Variants in PPP6R3 observed in about 807,000 individuals in gnomAD.
PPP6R3 encodes serine/threonine-protein phosphatase 6 regulatory subunit 3.
A neutral mutation model predicts 110.7 loss-of-function variants in PPP6R3; 38 were observed. That is an observed-to-expected ratio of 0.34 (90% CI 0.26 to 0.45). The LOEUF is 0.45. Among genes scored for constraint, PPP6R3 ranks in the 20% least tolerant of loss-of-function variants. The pLI, the probability that PPP6R3 is intolerant of heterozygous loss-of-function variation, is 1.00. For missense variants in PPP6R3, 870 were observed against 1,062.4 expected, an observed-to-expected ratio of 0.82 and a Z score of 2.52; for synonymous variants, 369 against 373.5, an observed-to-expected ratio of 0.99 and a Z score of 0.14.
intron 1 of PPP6R3, among the ~76,000 whole-genome samples, chr11:68,490,508 A>G (rs2098977084): frequency 6.6e-6 from 1 of 152,008 alleles, no homozygotes; most frequent in Non-Finnish European, 1.5e-5. Context: ...CCTGACAACA[A>G]TTTGGAAAAA....
At chr11:68,467,032 C>T (rs1280960694) in intron 1 of PPP6R3, among the ~76,000 whole-genome samples, 1 of 152,260 alleles carries the variant, frequency 6.6e-6, no homozygotes, top group Non-Finnish European at 1.5e-5. Context: ...TGAGCCGCTG[C>T]ACCCGGCCCT....
intron 2 of PPP6R3, among the ~76,000 whole-genome samples, chr11:68,531,178 A>G (rs954638694): frequency 1.3e-5 from 2 of 152,144 alleles, no homozygotes; most frequent in Non-Finnish European, 2.9e-5. Context: ...GTAGATTAAA[A>G]TGATCCTCCA....
At chr11:68,607,500 T>C (rs1413954195) in intron 22 of PPP6R3, among the ~76,000 whole-genome samples, 1 of 152,226 alleles carries the variant, frequency 6.6e-6, no homozygotes, top group Non-Finnish European at 1.5e-5. Context: ...CTCTACACTC[T>C]CCATGTGTGG....
intron 22 of PPP6R3, among the ~76,000 whole-genome samples, chr11:68,606,500 G>A (rs1401798065): frequency 7.1e-6 from 1 of 140,386 alleles, no homozygotes; most frequent in African/African-American, 2.7e-5. Flanking sequence ...TTTTTTTGTA[G>A]TGATGGGGTT....
chr11:68,537,894 A>G lies in PPP6R3; in HGVS notation c.227+3A>G, dbSNP rs1367830496. The G allele has an allele frequency of 6.3e-7, 1 of 1,590,622 alleles. No individual in the cohort carries two copies. The highest frequency in any genetic ancestry group is 8.6e-7 in the Non-Finnish European group (1 of 1,159,772). On this transcript the variant is annotated splice_donor_region_variant and intron_variant, in intron 3 of 23. Transcript: ENST00000393800. ...ATGGATGAAAAGATCAGATACAAGT[A>G]AGACAATTCAATCTTCTCTGTAGAG...
chr11:68,598,584 C>CT (rs2099621131), intron 19 of PPP6R3, among the ~76,000 whole-genome samples: 1 of 152,172 alleles, frequency 6.6e-6, no homozygotes, highest in Non-Finnish European at 1.5e-5. Context: ...GGCTTCAGGG[C>CT]TACAGGGTTG....
chr11:68,543,342 A>G (rs1432493116), intron 3 of PPP6R3, among the ~76,000 whole-genome samples: 6 of 151,460 alleles, frequency 4.0e-5, no homozygotes, highest in Middle Eastern at 3.5e-3. Context: ...CTTGAAGCCC[A>G]TGCTACGTAA....
intron 3 of PPP6R3, among the ~76,000 whole-genome samples, chr11:68,542,941 A>G (rs978245539): frequency 3.9e-5 from 6 of 152,092 alleles, no homozygotes; most frequent in African/African-American, 1.4e-4. Context: ...CCTTTTACTG[A>G]TCTTCTGTTT....
chr11:68,602,007 G>A, intron 21 of PPP6R3, 38 bp downstream of exon 21: 3 of 1,504,476 alleles, frequency 2.0e-6, no homozygotes, highest in Non-Finnish European at 2.7e-6. Flanking sequence ...CCAGGGTCAC[G>A]TGGCTGCTTT....
chr11:68,588,094 C>A, intron 16 of PPP6R3, 70 bp downstream of exon 16: 1 of 1,329,944 alleles, frequency 7.5e-7, no homozygotes, highest in Non-Finnish European at 1.1e-6. Context: ...ATGTGTGATT[C>A]TGCGGGATTC....
chr11:68,500,933 A>T lies in PPP6R3; in HGVS notation c.-157-18568A>T, dbSNP rs183393554. The stretch of plus-strand genomic sequence containing the variant: ...TTCAATACTTGAAGGGTGAGGGTTC[A>T]TTTTGGAAGGCACTTCCGCCGCCTT... On this transcript the variant is annotated intron_variant, in intron 1 of 23. Transcript: ENST00000393800. Among the ~76,000 whole-genome samples, 562 of 152,316 alleles carry T rather than the reference A, an allele frequency of 3.7e-3. 7 individuals carry two copies. The highest frequency in any genetic ancestry group is 0.011 in the African/African-American group (456 of 41,574).
Position 68,614,765 on chromosome 11 carries a change from A to AGAC in PPP6R3, c.*1649_*1651dup, listed in dbSNP as rs1944904728. The stretch of plus-strand genomic sequence containing the variant: ...TTCCCGGGTGAGCCCCTCTCTGAAG[A>AGAC]GACTGTCCTTGGGCCTCCTCTGGAA... On this transcript the variant is annotated 3_prime_UTR_variant, in exon 24 of 24. Transcript: ENST00000393800. 1 of 1,541,806 alleles carries AGAC rather than the reference A, an allele frequency of 6.5e-7. No homozygotes were observed. The highest frequency in any genetic ancestry group is 2.0e-5 in the Admixed American group (1 of 50,610).
intron 4 of PPP6R3, 32 bp from the exon 5 acceptor site, chr11:68,548,033 CAT>C (rs1329333340): frequency 6.3e-7 from 1 of 1,593,142 alleles, no homozygotes; most frequent in African/African-American, 1.4e-5. Flanking sequence ...TTCCAAGTTA[CAT>C]GTCTTTCAGT....
intron 1 of PPP6R3, among the ~76,000 whole-genome samples, chr11:68,507,121 T>C (rs1055816230): frequency 6.6e-6 from 1 of 152,208 alleles, no homozygotes; most frequent in African/African-American, 2.4e-5. Context: ...AGCCAAACAA[T>C]GATGTAGTCC....
chr11:68,470,189 G>A (rs2098780396), intron 1 of PPP6R3, among the ~76,000 whole-genome samples: 1 of 152,204 alleles, frequency 6.6e-6, no homozygotes, highest in South Asian at 2.1e-4. Context: ...AGATACAGTA[G>A]CCATATGGTA....
At chr11:68,495,989 C>T (rs545207682) in intron 1 of PPP6R3, among the ~76,000 whole-genome samples, 1 of 152,166 alleles carries the variant, frequency 6.6e-6, no homozygotes, top group African/African-American at 2.4e-5. Context: ...TCCATGCCAG[C>T]ACTTTTGTTT....
chr11:68,614,198 T>A lies in PPP6R3; in HGVS notation c.*1081T>A. 4 of 988,904 alleles carry A rather than the reference T, an allele frequency of 4.0e-6. No individual in the cohort carries two copies. Among genetic ancestry groups the A allele is most frequent in the Non-Finnish European group, 4.8e-6 (4 of 832,160 alleles). 61.3% of individuals were successfully genotyped at this position (988,904 alleles called of 1,614,324 possible). On this transcript the variant is annotated 3_prime_UTR_variant, in exon 24 of 24. Transcript: ENST00000393800. ...TTGTTTACTGTACCTTGTGAGGTTT[T>A]CACTCATAAATTTAAACCAGTGTAT... is the stretch of plus-strand genomic sequence containing the variant.
intron 15 of PPP6R3, among the ~76,000 whole-genome samples, chr11:68,586,039 G>T (rs2153833766): frequency 6.6e-6 from 1 of 152,178 alleles, no homozygotes; most frequent in South Asian, 2.1e-4. Flanking sequence ...GAGGTAGGAG[G>T]ATTACTAGGA....
At chr11:68,573,608 T>C (rs751262582) in intron 12 of PPP6R3, among the ~76,000 whole-genome samples, 12 of 152,154 alleles carry the variant, frequency 7.9e-5, no homozygotes, top group East Asian at 1.9e-4. Flanking sequence ...TCAGCTAATA[T>C]CTTAACTTGA....
Sources: allele counts gnomAD v4.1 joint callset (sites outside exome capture counted in the v4.1 genomes callset), GRCh38; gene constraint gnomAD v4.1.1; transcripts MANE v1.5; gene names NCBI Gene and HGNC (gene_info 2026-07-23, HGNC 2026-07-21).